Variants in SNU13 observed in about 807,000 individuals in gnomAD.
The protein encoded by SNU13 is small nuclear ribonucleoprotein 13, also known as NHP2-like protein 1.
SNU13 carries 2 observed loss-of-function variants against 12.4 expected under a neutral mutation model. The observed-to-expected ratio is 0.16, with a 90% CI of 0.07 to 0.51. The LOEUF (loss-of-function observed/expected upper bound fraction) is 0.51, where lower values mean the gene tolerates loss of function less well. SNU13 is among the 20% of genes least tolerant of loss of function. SNU13 has a pLI of 0.96. For missense variants in SNU13, 66 were observed against 157.8 expected (o/e 0.42, Z 3.12); for synonymous variants, 68 against 66.5 (o/e 1.02, Z -0.11).
In SNU13 at chr22:41,675,035, G is replaced by A. The variant is rs772852252; in HGVS notation, c.285C>T (p.Val95=). The A allele has an allele frequency of 3.3e-5, 54 of 1,613,980 alleles. No homozygotes were observed. The highest frequency in any genetic ancestry group is 1.5e-4 in the Admixed American group (9 of 59,988). ...CAGAACAGGCGATGACAGGCCTGGAGACCCCACAGGCTCTCCCCAGGGCCT... is the reference window on the plus strand; with the variant it reads ...CAGAACAGGCGATGACAGGCCTGGAAACCCCACAGGCTCTCCCCAGGGCCT... ...SKQALGRACG[V]SRPVIACSVT... Residue 95 remains valine, a synonymous_variant, in exon 3 of 3, where the codon GTC becomes GTT. Coordinates refer to ENST00000401959, the MANE Select transcript of SNU13 (RefSeq NM_001003796.2).
upstream of SNU13, chr22:41,689,121 G>A (rs1442507959): frequency 1.9e-6 from 2 of 1,074,438 alleles, no homozygotes; most frequent in Admixed American, 1.0e-4. Context: ...CGGCACTTTG[G>A]GAGGCCGAGG....
upstream of SNU13, among the ~76,000 whole-genome samples, chr22:41,690,044 G>C (rs963564405): frequency 6.6e-6 from 1 of 151,702 alleles, no homozygotes; most frequent in Non-Finnish European, 1.5e-5. Context: ...ATTGGCTGAC[G>C]TCCCTGCCTG....
chr22:41,682,625 A>C, intron 1 of SNU13: 1 of 1,350,064 alleles, frequency 7.4e-7, no homozygotes, highest in Non-Finnish European at 9.7e-7. Flanking sequence ...GAGTTCTCTA[A>C]AGGAAGGGGG....
Position 41,688,824 on chromosome 22 carries a change from C to G in SNU13, c.-28G>C. ...CTGCGGTTCCGCGGGCTCAGCACTC[C>G]TAGGGGAGCGCAGCTGACGTTTCAG... On this transcript the variant is annotated 5_prime_UTR_variant, in exon 1 of 3. Coordinates refer to ENST00000401959, the MANE Select transcript of SNU13 (RefSeq NM_001003796.2). 1 of 1,582,010 alleles carries G rather than the reference C, an allele frequency of 6.3e-7. No homozygotes were observed. Among genetic ancestry groups the G allele is most frequent in the East Asian group, 2.3e-5 (1 of 44,226 alleles).
At chr22:41,679,292 G>A (rs1053767782) in intron 2 of SNU13, among the ~76,000 whole-genome samples, 2 of 151,986 alleles carry the variant, frequency 1.3e-5, no homozygotes, top group African/African-American at 4.8e-5. Context: ...AGTGTCTCAC[G>A]CCTGTAATCC....
chr22:41,689,101 G>T, upstream of SNU13: 2 of 1,116,510 alleles, frequency 1.8e-6, no homozygotes, highest in Non-Finnish European at 2.2e-6. Flanking sequence ...GCGGCTTATG[G>T]CTGTAATCCC....
chr22:41,690,140 G>A (rs896674872), upstream of SNU13, among the ~76,000 whole-genome samples: 2 of 152,166 alleles, frequency 1.3e-5, no homozygotes, highest in Non-Finnish European at 1.5e-5. Flanking sequence ...CTGATCCTAA[G>A]ATGGGAAAAG....
chr22:41,685,917 A>G (rs13056262), intron 1 of SNU13, among the ~76,000 whole-genome samples: 125,276 of 150,706 alleles, frequency 0.83, 53,060 homozygotes, highest in African/African-American at 0.95. Flanking sequence ...TCAGTGAGTC[A>G]AGATCGTGCC....
intron 1 of SNU13, among the ~76,000 whole-genome samples, chr22:41,685,077 C>G (rs886908139): frequency 6.6e-6 from 1 of 151,078 alleles, no homozygotes; most frequent in Non-Finnish European, 1.5e-5. Flanking sequence ...ATGGCTTGAA[C>G]CCGGGAAGCG....
intron 1 of SNU13, chr22:41,688,469 C>T (rs2068330488): frequency 5.9e-6 from 2 of 341,812 alleles, no homozygotes; most frequent in Non-Finnish European, 1.0e-5. Flanking sequence ...CTTCACCCAA[C>T]TTTTTGCCCT....
At chr22:41,682,458 G>A (rs1027455866) in intron 1 of SNU13, 3 of 1,601,596 alleles carry the variant, frequency 1.9e-6, no homozygotes, top group Admixed American at 3.4e-5. Flanking sequence ...CGGATGCCCC[G>A]CCCCCAAGAG....
At chr22:41,688,711 T>A in intron 1 of SNU13, 83 bp downstream of exon 1, 3 of 1,530,772 alleles carry the variant, frequency 2.0e-6, no homozygotes, top group Non-Finnish European at 2.7e-6. Context: ...GCGCAGGCTC[T>A]AAGCCTCCAT....
intron 1 of SNU13, chr22:41,682,682 A>C: frequency 4.2e-6 from 3 of 708,068 alleles, no homozygotes; most frequent in Non-Finnish European, 6.1e-6. Flanking sequence ...TCTCTTCCTC[A>C]TACATTTATT....
intron 2 of SNU13, among the ~76,000 whole-genome samples, chr22:41,678,443 A>G (rs1347345786): frequency 1.3e-5 from 2 of 152,222 alleles, no homozygotes; most frequent in Admixed American, 6.5e-5. Context: ...AGAATACCTG[A>G]CACTGAGGCA....
At chr22:41,677,954 C>G (rs964508530) in intron 2 of SNU13, among the ~76,000 whole-genome samples, 17 of 151,994 alleles carry the variant, frequency 1.1e-4, no homozygotes, top group African/African-American at 3.9e-4. Flanking sequence ...TCCCCCTTCT[C>G]TACTTTATTC....
intron 2 of SNU13, among the ~76,000 whole-genome samples, chr22:41,678,854 G>C (rs935525853): frequency 7.9e-5 from 12 of 152,202 alleles, no homozygotes; most frequent in Non-Finnish European, 1.5e-4. Context: ...GATTGTAATA[G>C]TTCTCCTAAA....
intron 2 of SNU13, among the ~76,000 whole-genome samples, chr22:41,678,959 A>G (rs559711391): frequency 1.3e-4 from 20 of 152,350 alleles, no homozygotes; most frequent in Middle Eastern, 3.4e-3. Flanking sequence ...CATCTATTAA[A>G]ATGAGAGTAT....
rs1243606538 is a variant in SNU13 at position 41,674,077 on chromosome 22, G to A, written c.*856C>T. 1 of 152,230 alleles carries A rather than the reference G, an allele frequency of 6.6e-6. No individual in the cohort carries two copies. The highest frequency in any genetic ancestry group is 1.5e-5 in the Non-Finnish European group (1 of 68,062). The allele number at this position is 152,230 out of a possible 1,614,324, so 9.4% of individuals were successfully genotyped here. ...AGGGCTCTCAGAGCTGGTGCCAAGT[G>A]TCCACCAAAGAAAGTCCCATTCACC... On this transcript the variant is annotated 3_prime_UTR_variant, in exon 3 of 3. Coordinates refer to ENST00000401959, the MANE Select transcript of SNU13 (RefSeq NM_001003796.2).
rs111247261 is a variant in SNU13, at chr22:41,687,041, C to G, written c.3+1753G>C. ...TGTGATCTTGGCTCACTGCAACCCC[C>G]GCCTCCCAGGTTCAAGCGATTCTCC... On this transcript the variant is annotated intron_variant, in intron 1 of 2. Coordinates refer to ENST00000401959, the MANE Select transcript of SNU13 (RefSeq NM_001003796.2). 1.6e-4 allele frequency among the ~76,000 whole-genome samples: 25 copies of G among 151,996 alleles called. No individual in the cohort carries two copies. The South Asian group carries it at 5.0e-3, about 30-fold the overall frequency.
Sources: gnomAD v4.1 joint callset for allele counts (sites outside exome capture counted in the v4.1 genomes callset) on GRCh38, gnomAD v4.1.1 for gene constraint, MANE v1.5 for transcripts, NCBI Gene and HGNC (gene_info 2026-07-23, HGNC 2026-07-21) for gene names.